Variants in GRID1 observed in about 807,000 individuals in gnomAD.
GRID1 encodes the protein glutamate receptor ionotropic, delta-1.
Under a neutral mutation model 98.0 loss-of-function variants are expected in GRID1, and 28 were observed. That is an observed-to-expected ratio of 0.29 (90% CI 0.21 to 0.39). GRID1 has a LOEUF of 0.39. Among genes scored for constraint, GRID1 ranks in the 10% least tolerant of loss-of-function variants. The pLI, the probability that GRID1 is intolerant of heterozygous loss-of-function variation, is 1.00. For synonymous variants in GRID1, 553 were observed against 538.5 expected, an observed-to-expected ratio of 1.03 and a Z score of -0.37; for missense variants, 1,111 against 1,340.5, an observed-to-expected ratio of 0.83 and a Z score of 2.67.
intron 8 of GRID1, among the ~76,000 whole-genome samples, chr10:85,736,402 T>C (rs1841884411): frequency 6.6e-6 from 1 of 152,170 alleles, no homozygotes; most frequent in Non-Finnish European, 1.5e-5. Flanking sequence ...AATGGATCAA[T>C]AAGCTACACT....
At chr10:86,001,937 C>A (rs1412380002) in intron 4 of GRID1, among the ~76,000 whole-genome samples, 1 of 152,180 alleles carries the variant, frequency 6.6e-6, no homozygotes, top group African/African-American at 2.4e-5. Context: ...CTTCTAGTAG[C>A]CCCAGGCATT....
intron 12 of GRID1, among the ~76,000 whole-genome samples, chr10:85,698,454 G>A (rs1264996870): frequency 6.6e-6 from 1 of 152,018 alleles, no homozygotes; most frequent in African/African-American, 2.4e-5. Flanking sequence ...TTATCAATGG[G>A]CATTCAAGTA....
intron 8 of GRID1, among the ~76,000 whole-genome samples, chr10:85,795,343 C>T (rs1431561276): frequency 6.6e-6 from 1 of 152,138 alleles, no homozygotes; most frequent in African/African-American, 2.4e-5. Flanking sequence ...AAACATATGA[C>T]AGCAAAAGAT....
intron 2 of GRID1, among the ~76,000 whole-genome samples, chr10:86,301,565 G>A (rs937044265): frequency 1.3e-5 from 2 of 152,174 alleles, no homozygotes; most frequent in African/African-American, 4.8e-5. Context: ...TCCAGCAGAT[G>A]GACCCTTGGC....
At position 85,865,912 on chromosome 10, in the gene GRID1, C is replaced by CATATATATATAT. The variant is rs375258556; in HGVS notation, c.951+3086_951+3097dup. The stretch of plus-strand genomic sequence containing the variant: ...TTTAATAAAGTGTTTTACATATATA[C>CATATATATATAT]ATATATATATATATATATATATATA... On this transcript the variant is annotated intron_variant, in intron 6 of 15. Transcript: ENST00000327946. Among the ~76,000 whole-genome samples, 158 of 83,086 alleles carry CATATATATATAT rather than the reference C, an allele frequency of 1.9e-3. 4 individuals carry two copies. Among genetic ancestry groups the CATATATATATAT allele is most frequent in the African/African-American group, 4.2e-3 (76 of 18,002 alleles). The allele number at this position is 83,086 out of a possible 152,430, so 54.5% of individuals were successfully genotyped here.
intron 3 of GRID1, among the ~76,000 whole-genome samples, chr10:86,182,293 G>A (rs1177103530): frequency 1.3e-5 from 2 of 152,222 alleles, no homozygotes; most frequent in East Asian, 1.9e-4. Flanking sequence ...AGCAGGGGGC[G>A]ACTCCGGGCC....
intron 4 of GRID1, among the ~76,000 whole-genome samples, chr10:86,057,425 T>C (rs753310907): frequency 6.4e-4 from 98 of 152,282 alleles, no homozygotes; most frequent in Middle Eastern, 6.8e-3. Flanking sequence ...TGTATCCCCA[T>C]CCTGCTTAGT....
intron 2 of GRID1, among the ~76,000 whole-genome samples, chr10:86,285,505 C>T (rs1220207817): frequency 6.6e-6 from 1 of 152,226 alleles, no homozygotes; most frequent in Non-Finnish European, 1.5e-5. Context: ...AGCCCAGGGC[C>T]CCTGCCGACT....
At chr10:85,849,122 C>G (rs1176381019) in intron 8 of GRID1, among the ~76,000 whole-genome samples, 1 of 152,184 alleles carries the variant, frequency 6.6e-6, no homozygotes, top group Non-Finnish European at 1.5e-5. Flanking sequence ...TACTTCATTA[C>G]GAGTTAGCCT....
chr10:86,244,263 C>T (rs981261960), intron 2 of GRID1, among the ~76,000 whole-genome samples: 10 of 152,174 alleles, frequency 6.6e-5, no homozygotes, highest in African/African-American at 2.4e-4. Flanking sequence ...GACAGTGGCA[C>T]AGAGGAGCAG....
intron 12 of GRID1, among the ~76,000 whole-genome samples, chr10:85,649,177 C>T (rs1473467242): frequency 6.6e-6 from 1 of 152,084 alleles, no homozygotes; most frequent in East Asian, 1.9e-4. Context: ...GCATCCACTG[C>T]CCTGGACCAA....
At chr10:85,858,301 G>A (rs1843133003) in intron 6 of GRID1, among the ~76,000 whole-genome samples, 1 of 152,126 alleles carries the variant, frequency 6.6e-6, no homozygotes, top group Admixed American at 6.5e-5. Context: ...GGAGTAGAAG[G>A]TCAGTGCCTG....
At chr10:86,134,847 T>C (rs1322584950) in intron 4 of GRID1, among the ~76,000 whole-genome samples, 2 of 152,188 alleles carry the variant, frequency 1.3e-5, no homozygotes, top group African/African-American at 4.8e-5. Flanking sequence ...CATCACTCTG[T>C]CTTCCGTGCT....
Position 86,087,099 on chromosome 10 carries a change from G to C in GRID1, c.726+51720C>G, listed in dbSNP as rs188593990. On this transcript the variant is annotated intron_variant, in intron 4 of 15. Coordinates refer to ENST00000327946, the MANE Select transcript of GRID1 (RefSeq NM_017551.3). ...ATGAATGTATTTACATGGAAGGCATGGGGCATGGAACCAATACAAGCTTCT... is the reference window on the plus strand; with the variant it reads ...ATGAATGTATTTACATGGAAGGCATCGGGCATGGAACCAATACAAGCTTCT... 2.2e-3 allele frequency among the ~76,000 whole-genome samples: 333 copies of C among 152,316 alleles called. 1 individual carries two copies. Among genetic ancestry groups the C allele is most frequent in the African/African-American group, 7.8e-3 (323 of 41,544 alleles).
intron 15 of GRID1, chr10:85,606,409 T>C (rs1842664780): frequency 6.6e-6 from 1 of 152,134 alleles, no homozygotes; most frequent in Admixed American, 6.5e-5. Flanking sequence ...TCCCAATAGC[T>C]CCAACACGAG....
chr10:85,827,728 G>A (rs757392412), intron 8 of GRID1, among the ~76,000 whole-genome samples: 12 of 151,148 alleles, frequency 7.9e-5, no homozygotes, highest in Non-Finnish European at 1.5e-4. Context: ...TAAGGGGTTC[G>A]ATTCAACAAG....
At chr10:86,166,309 G>C (rs185488821) in intron 3 of GRID1, among the ~76,000 whole-genome samples, 5 of 152,190 alleles carry the variant, frequency 3.3e-5, no homozygotes, top group Admixed American at 3.3e-4. Context: ...ATCTGACAAA[G>C]GGCTAATATC....
chr10:85,658,443 A>G (rs905827996), intron 12 of GRID1, among the ~76,000 whole-genome samples: 3 of 152,166 alleles, frequency 2.0e-5, no homozygotes, highest in South Asian at 2.1e-4. Context: ...AGGCTTCAGG[A>G]GATTAAGGAA....
At chr10:86,005,249 G>A (rs575354395) in intron 4 of GRID1, among the ~76,000 whole-genome samples, 6 of 152,074 alleles carry the variant, frequency 3.9e-5, no homozygotes, top group Non-Finnish European at 8.8e-5. Flanking sequence ...CAACCACGAT[G>A]GCTCCCATCT....
Sources: gnomAD v4.1 joint callset for allele counts (sites outside exome capture counted in the v4.1 genomes callset) on GRCh38, gnomAD v4.1.1 for gene constraint, MANE v1.5 for transcripts, NCBI Gene and HGNC (gene_info 2026-07-23, HGNC 2026-07-21) for gene names.